The following PCDHA5 variants were observed in gnomAD, a reference collection of about 807,000 sequenced individuals.
PCDHA5 encodes the protein protocadherin alpha 5.
Under a neutral mutation model 61.6 loss-of-function variants are expected in PCDHA5, and 43 were observed. That is an observed-to-expected ratio of 0.70 (90% CI 0.55 to 0.90). The LOEUF (loss-of-function observed/expected upper bound fraction) is 0.90, where lower values mean the gene tolerates loss of function less well. Ranked by LOEUF, PCDHA5 falls within the 40% of genes least tolerant of loss-of-function variation. PCDHA5 has a pLI of 0.00. For missense variants in PCDHA5, 1,298 were observed against 1,222.7 expected (o/e 1.06, Z -0.92); for synonymous variants, 627 against 543.9 (o/e 1.15, Z -2.13).
intron 1 of PCDHA5, among the ~76,000 whole-genome samples, chr5:140,905,438 C>T (rs182288757): frequency 1.5e-4 from 23 of 152,228 alleles, no homozygotes; most frequent in Non-Finnish European, 2.4e-4. Flanking sequence ...TAACTACAGC[C>T]TTTTAGTATA....
At chr5:140,880,009 T>C (rs2058206618) in intron 1 of PCDHA5, among the ~76,000 whole-genome samples, 1 of 152,232 alleles carries the variant, frequency 6.6e-6, no homozygotes, top group African/African-American at 2.4e-5. Context: ...TTATTCACCA[T>C]ATAAAGTAAA....
chr5:140,847,846 ACT>A (rs2150404625), intron 1 of PCDHA5: 1 of 149,820 alleles, frequency 6.7e-6, no homozygotes, highest in Non-Finnish European at 1.5e-5. Flanking sequence ...GTTGGTTGCT[ACT>A]TTTTGTTGAT....
chr5:140,995,543 G>A (rs1243799532), intron 3 of PCDHA5, among the ~76,000 whole-genome samples: 1 of 152,144 alleles, frequency 6.6e-6, no homozygotes, highest in Non-Finnish European at 1.5e-5. Context: ...AATAAGGGGC[G>A]ATCACTGTAC....
intron 1 of PCDHA5, among the ~76,000 whole-genome samples, chr5:140,891,121 T>C (rs74535477): frequency 0.041 from 6,261 of 152,308 alleles, 144 homozygotes; most frequent in Middle Eastern, 0.061. Context: ...TCAATCTAAA[T>C]GTCATTCCTT....
chr5:140,966,732 G>T (rs2153748727), intron 1 of PCDHA5: 1 of 1,415,600 alleles, frequency 7.1e-7, no homozygotes, highest in African/African-American at 1.5e-5. Context: ...GCCGCCTCCG[G>T]CCCTGCCCGG....
chr5:140,831,510 TG>T (rs1269188191), intron 1 of PCDHA5, among the ~76,000 whole-genome samples: 3 of 137,202 alleles, frequency 2.2e-5, no homozygotes, highest in Non-Finnish European at 4.6e-5. Flanking sequence ...AGCACCACCA[TG>T]CCCCCCACCT....
intron 1 of PCDHA5, among the ~76,000 whole-genome samples, chr5:140,846,496 T>C (rs1780511719): frequency 6.9e-6 from 1 of 143,918 alleles, no homozygotes; most frequent in Non-Finnish European, 1.5e-5. Flanking sequence ...TTCCTCAGCC[T>C]CCCAAGTAGC....
At chr5:140,838,971 A>C (rs139822450) in intron 1 of PCDHA5, among the ~76,000 whole-genome samples, 1 of 152,152 alleles carries the variant, frequency 6.6e-6, no homozygotes, top group East Asian at 1.9e-4. Context: ...CAGAACTGAC[A>C]ATTTTCACTG....
At chr5:140,870,139 T>C in intron 1 of PCDHA5, 1 of 1,613,992 alleles carries the variant, frequency 6.2e-7, no homozygotes, top group Non-Finnish European at 8.5e-7. Flanking sequence ...CAACGATAAC[T>C]CTCCTGAAGT....
intron 1 of PCDHA5, among the ~76,000 whole-genome samples, chr5:140,902,203 C>CTT (rs148688132): frequency 1.7e-4 from 21 of 124,438 alleles, no homozygotes; most frequent in East Asian, 4.4e-4. Context: ...CTCTCTCTTT[C>CTT]TTTTTTTTTT....
intron 1 of PCDHA5, among the ~76,000 whole-genome samples, chr5:140,933,949 G>A (rs184768008): frequency 6.6e-6 from 1 of 151,792 alleles, no homozygotes; most frequent in African/African-American, 2.4e-5. Flanking sequence ...CACATCTGCA[G>A]GATCTGTAGT....
chr5:140,988,184 GGT>G (rs2153871318), intron 3 of PCDHA5, among the ~76,000 whole-genome samples: 1 of 152,246 alleles, frequency 6.6e-6, no homozygotes, highest in East Asian at 1.9e-4. Flanking sequence ...AGTCCTGGGA[GGT>G]GTGTGCATAT....
Position 140,843,444 on chromosome 5 carries a change from C to G in PCDHA5, c.2352+19317C>G. The G allele has an allele frequency of 1.3e-6, 2 of 1,596,146 alleles. 1 individual carries two copies. ...CTGATCATCGCCATCTGCGCGGTAT[C>G]CAGCCTGCTGGTGCTCACGCTGCTG... On this transcript the variant is annotated intron_variant, in intron 1 of 3. Transcript: ENST00000529859.
rs957445106 is a variant in PCDHA5, at chr5:140,980,862, G to A, written c.2412-1613G>A. Among the ~76,000 whole-genome samples the A allele has an allele frequency of 5.1e-4, 77 of 152,202 alleles. 2 individuals are homozygous for A. Among genetic ancestry groups the A allele is most frequent in the African/African-American group, 1.7e-3 (72 of 41,546 alleles). ...AATAATACTAATCTTTTTCGTATGT[G>A]TGCTTGGGTGTTCTCGGTCTTTCCA... On this transcript the variant is annotated intron_variant, in intron 2 of 3. Coordinates refer to ENST00000529859, the MANE Select transcript of PCDHA5 (RefSeq NM_018908.3).
chr5:140,841,711 G>A (rs1385576183), intron 1 of PCDHA5: 3 of 1,613,772 alleles, frequency 1.9e-6, no homozygotes, highest in Admixed American at 1.7e-5. Flanking sequence ...ATGACAACCC[G>A]CCAGTGTTCC....
intron 2 of PCDHA5, among the ~76,000 whole-genome samples, chr5:140,981,353 C>A (rs551731316): frequency 6.6e-6 from 1 of 152,166 alleles, no homozygotes; most frequent in South Asian, 2.1e-4. Context: ...GCAGGTGGAT[C>A]ACTTGAGGTC....
Position 141,009,916 on chromosome 5 carries a change from G to T in PCDHA5, c.2790G>T (p.Thr930=). The change falls in exon 4 of 4, where the codon ACG becomes ACT. Residue 930 remains threonine, a synonymous_variant. Coordinates refer to ENST00000529859, the MANE Select transcript of PCDHA5 (RefSeq NM_018908.3). ...AGAAAAAAGAGAAAGGGAACAGCAC[G>T]ACTGACAACAGTGACCAGTGAGGTC... ...TQEKKEKGNS[T]TDNSDQ The T allele has an allele frequency of 6.2e-7, 1 of 1,611,502 alleles. No individual in the cohort carries two copies. Among genetic ancestry groups the T allele is most frequent in the South Asian group, 1.1e-5 (1 of 90,550 alleles).
chr5:140,899,468 G>C (rs1243330987), intron 1 of PCDHA5, among the ~76,000 whole-genome samples: 2 of 152,080 alleles, frequency 1.3e-5, no homozygotes, highest in African/African-American at 4.8e-5. Context: ...TTTGTCTTTG[G>C]TTCTGTTTAT....
intron 1 of PCDHA5, chr5:140,883,199 G>A (rs782445481): frequency 6.2e-7 from 1 of 1,613,862 alleles, no homozygotes; most frequent in Non-Finnish European, 8.5e-7. Context: ...ACTAGATTTC[G>A]AAGAAAAGAA....
Sources: gnomAD v4.1 joint callset for allele counts (sites outside exome capture counted in the v4.1 genomes callset) on GRCh38, gnomAD v4.1.1 for gene constraint, MANE v1.5 for transcripts, NCBI Gene and HGNC (gene_info 2026-07-23, HGNC 2026-07-21) for gene names.